The following NUP58 variants were observed in gnomAD, a reference collection of about 807,000 sequenced individuals.
NUP58 encodes the protein nucleoporin p58/p45.
NUP58 carries 17 observed loss-of-function variants against 70.1 expected under a neutral mutation model. That is an observed-to-expected ratio of 0.24 (90% CI 0.17 to 0.36). The LOEUF is 0.36. Among genes scored for constraint, NUP58 ranks in the 10% least tolerant of loss-of-function variants. The pLI is 1.00. For synonymous variants in NUP58, 275 were observed against 257.6 expected (o/e 1.07, Z -0.65); for missense variants, 644 against 701.5 (o/e 0.92, Z 0.93).
chr13:25,304,940 TTTTGGCATATA>T (rs2030245243), intron 1 of NUP58, among the ~76,000 whole-genome samples: 1 of 152,184 alleles, frequency 6.6e-6, no homozygotes, highest in Non-Finnish European at 1.5e-5. Flanking sequence ...AAGCTAAATG[TTTTGGCATATA>T]TGCCCCTTTT....
At position 25,307,832 on chromosome 13, in the gene NUP58, G is replaced by T; in HGVS notation, c.134G>T (p.Gly45Val). The T allele has an allele frequency of 2.5e-6, 4 of 1,614,024 alleles. No homozygotes were observed. Among genetic ancestry groups the T allele is most frequent in the Non-Finnish European group, 3.4e-6 (4 of 1,179,984 alleles). The change falls in exon 2 of 16, where the codon GGA becomes GTA. Residue 45 changes from glycine (G) to valine (V), a missense_variant. Physicochemically the swap from Gly to Val is moderately radical, Grantham distance 109. Transcript: ENST00000381736. ...SSNPSVGLNFGNLGSTSTPAT... is the reference protein window; with the variant it reads ...SSNPSVGLNFVNLGSTSTPAT... ...AACCCTTCTGTGGGGCTCAATTTTG[G>T]AAATCTTGGAAGTACTTCAACTCCA...
intron 1 of NUP58, chr13:25,303,024 C>G (rs1277820584): frequency 2.2e-6 from 1 of 456,186 alleles, no homozygotes; most frequent in South Asian, 1.6e-5. Flanking sequence ...AAGAGTCTTG[C>G]TCTCTTGATC....
chr13:25,331,861 A>G (rs2031618713), intron 13 of NUP58: 2 of 1,171,580 alleles, frequency 1.7e-6, no homozygotes, highest in East Asian at 5.1e-5. Context: ...TTTAAGAATA[A>G]CATTAGATTC....
downstream of NUP58, among the ~76,000 whole-genome samples, chr13:25,345,057 C>G (rs1014656403): frequency 1.3e-5 from 2 of 152,202 alleles, no homozygotes; most frequent in Non-Finnish European, 2.9e-5. Flanking sequence ...CCTCTTACAT[C>G]ACATCCCCAT....
At chr13:25,324,204 C>G (rs1375646749) in intron 9 of NUP58, among the ~76,000 whole-genome samples, 1 of 152,072 alleles carries the variant, frequency 6.6e-6, no homozygotes, top group Non-Finnish European at 1.5e-5. Flanking sequence ...GTAGAAAAAA[C>G]AGTCATCAGC....
chr13:25,316,439 C>G (rs1340653450), intron 6 of NUP58, among the ~76,000 whole-genome samples: 1 of 56,498 alleles, frequency 1.8e-5, no homozygotes, highest in Non-Finnish European at 4.5e-5. Flanking sequence ...ATCTGTGTAT[C>G]TATATGACTT....
At chr13:25,316,468 C>G (rs961028280) in intron 6 of NUP58, among the ~76,000 whole-genome samples, 8 of 151,734 alleles carry the variant, frequency 5.3e-5, no homozygotes, top group African/African-American at 1.9e-4. Context: ...AAAAACTGGA[C>G]ACAGGTTTTA....
chr13:25,303,088 C>T (rs2137697745), intron 1 of NUP58: 1 of 456,476 alleles, frequency 2.2e-6, no homozygotes, highest in East Asian at 6.9e-5. Flanking sequence ...AACCAGCTGT[C>T]TTTCTTGTTT....
At position 25,326,996 on chromosome 13, in the gene NUP58, T is replaced by C; in HGVS notation, c.1112T>C (p.Leu371Pro). 1 of 1,605,370 alleles carries C rather than the reference T, an allele frequency of 6.2e-7. No individual in the cohort carries two copies. The highest frequency in any genetic ancestry group is 1.1e-5 in the South Asian group (1 of 89,392). Residue 371 changes from leucine (L) to proline (P), a missense_variant, in exon 11 of 16, where the codon CTT becomes CCT. Leu to Pro is a moderately conservative substitution (Grantham distance 98, BLOSUM62 -3). This residue lies in a region of NUP58 where 78 missense variants were observed against 71.3 expected (regional missense o/e 1.09). Transcript: ENST00000381736. ...CAGATTGAAGAACTAGAAAACCATCTTGCCACTCAAGCAAATAATTCACAT... is the reference window on the plus strand; with the variant it reads ...CAGATTGAAGAACTAGAAAACCATCCTGCCACTCAAGCAAATAATTCACAT... ...RQQIEELENHLATQANNSHIT... is the reference protein window; with the variant it reads ...RQQIEELENHPATQANNSHIT...
intron 3 of NUP58, among the ~76,000 whole-genome samples, chr13:25,309,674 A>G (rs117022241): frequency 1.3e-5 from 2 of 152,332 alleles, no homozygotes; most frequent in Non-Finnish European, 2.9e-5. Flanking sequence ...TATCTATAAA[A>G]TTGAGGGTAT....
intron 2 of NUP58, 72 bp downstream of exon 2, chr13:25,308,020 CTCTT>C: frequency 6.5e-7 from 1 of 1,544,938 alleles, no homozygotes; most frequent in Non-Finnish European, 8.8e-7. Context: ...TCCTGTATCT[CTCTT>C]TACAAGGATC....
At chr13:25,315,853 A>C (rs2030906766) in intron 6 of NUP58, among the ~76,000 whole-genome samples, 1 of 152,182 alleles carries the variant, frequency 6.6e-6, no homozygotes, top group Admixed American at 6.5e-5. Context: ...ATAGTAGTTT[A>C]AGAGTGTCTG....
At chr13:25,339,490 G>C (rs2031890264) in intron 15 of NUP58, among the ~76,000 whole-genome samples, 1 of 152,168 alleles carries the variant, frequency 6.6e-6, no homozygotes, top group African/African-American at 2.4e-5. Flanking sequence ...TTTTGCAAAA[G>C]CTCTTATAAA....
At position 25,340,308 on chromosome 13, in the gene NUP58, T is replaced by A; in HGVS notation, c.*174T>A. On this transcript the variant is annotated 3_prime_UTR_variant, in exon 16 of 16. Coordinates refer to ENST00000381736, the MANE Select transcript of NUP58 (RefSeq NM_014089.4). ...TTTGCCATACTGAACATCTTTTTTC[T>A]TGTGGAATTTAAAGTCCAGCTGTGT... 1.8e-6 allele frequency: 1 copy of A among 562,362 alleles called. No homozygotes were observed. Among genetic ancestry groups the A allele is most frequent in the Non-Finnish European group, 2.8e-6 (1 of 351,416 alleles). 34.8% of individuals were successfully genotyped at this position (562,362 alleles called of 1,614,324 possible). A position where few individuals can be genotyped will look rare whatever the true frequency, so the allele number is the denominator to read the frequency against.
chr13:25,346,029 T>C (rs930282021), downstream of NUP58, among the ~76,000 whole-genome samples: 1 of 152,214 alleles, frequency 6.6e-6, no homozygotes, highest in African/African-American at 2.4e-5. Context: ...TCCTTTCTTG[T>C]CATCACCACC....
chr13:25,335,179 A>G (rs1011027959), intron 13 of NUP58: 2 of 985,202 alleles, frequency 2.0e-6, no homozygotes, highest in Middle Eastern at 5.2e-4. Context: ...TAAAAATATC[A>G]TGTATCTGAT....
chr13:25,343,295 C>T (rs918115584), downstream of NUP58, among the ~76,000 whole-genome samples: 2 of 151,072 alleles, frequency 1.3e-5, no homozygotes, highest in African/African-American at 4.9e-5. Flanking sequence ...TGAGTTTCTT[C>T]TCTTTTTTTA....
At chr13:25,315,673 C>G (rs2030895306) in intron 6 of NUP58, among the ~76,000 whole-genome samples, 1 of 55,184 alleles carries the variant, frequency 1.8e-5, no homozygotes, top group Admixed American at 3.0e-4. Flanking sequence ...TATCTAACAT[C>G]AGAAGCATTT....
rs146826884 is a variant in NUP58 at position 25,332,608 on chromosome 13, A to G, written c.1435+1050A>G. On this transcript the variant is annotated intron_variant, in intron 13 of 15. Coordinates refer to ENST00000381736, the MANE Select transcript of NUP58 (RefSeq NM_014089.4). ...AGGGAAGCATTCTCTGGTTTTCACTATTGGCAGTTTAAAAAATTGTTCTTC... is the reference window on the plus strand; with the variant it reads ...AGGGAAGCATTCTCTGGTTTTCACTGTTGGCAGTTTAAAAAATTGTTCTTC... 3.5e-4 allele frequency: 344 copies of G among 985,428 alleles called. 2 individuals are homozygous for G. In the African/African-American group the frequency reaches 5.6e-3, roughly 16 times the overall value. The allele number at this position is 985,428 out of a possible 1,614,324, so 61.0% of individuals were successfully genotyped here.
Sources: allele counts gnomAD v4.1 joint callset (sites outside exome capture counted in the v4.1 genomes callset), GRCh38; gene constraint gnomAD v4.1.1; regional missense constraint gnomAD v4.1.1; transcripts MANE v1.5; gene names NCBI Gene and HGNC (gene_info 2026-07-23, HGNC 2026-07-21).